The following TTC6 variants were observed in gnomAD, a reference collection of about 807,000 sequenced individuals.
TTC6 encodes tetratricopeptide repeat protein 6.
A neutral mutation model predicts 210.4 loss-of-function variants in TTC6; 172 were observed. The ratio of observed to expected loss-of-function variants is 0.82; its 90% CI spans 0.72 to 0.93. The LOEUF is 0.93. Among genes scored for constraint, TTC6 ranks in the 40% least tolerant of loss-of-function variants. The pLI, the probability that TTC6 is intolerant of heterozygous loss-of-function variation, is 0.00. For synonymous variants in TTC6, 804 were observed against 819.6 expected, an observed-to-expected ratio of 0.98 and a Z score of 0.32; for missense variants, 2,414 against 2,318.1, an observed-to-expected ratio of 1.04 and a Z score of -0.85.
At chr14:37,793,395 G>T (rs2096084997) in intron 17 of TTC6, among the ~76,000 whole-genome samples, 1 of 152,180 alleles carries the variant, frequency 6.6e-6, no homozygotes, top group Non-Finnish European at 1.5e-5. Context: ...CAAAATTACT[G>T]TATTAAAACA....
intron 14 of TTC6, among the ~76,000 whole-genome samples, chr14:37,763,118 G>A (rs970323048): frequency 5.9e-5 from 9 of 151,682 alleles, no homozygotes; most frequent in African/African-American, 9.7e-5. Context: ...TCAATCTCCC[G>A]ACTTCATGAT....
upstream of TTC6, among the ~76,000 whole-genome samples, chr14:37,617,310 A>G (rs2095644385): frequency 6.6e-6 from 1 of 152,182 alleles, no homozygotes. Context: ...ATATGTATGT[A>G]TTTTTGAATG....
At chr14:37,817,532 T>C (rs2096144967) in intron 25 of TTC6, 46 bp from the exon 28 acceptor site, 1 of 1,575,456 alleles carries the variant, frequency 6.3e-7, no homozygotes, top group Admixed American at 1.7e-5. Flanking sequence ...AGATAGCACA[T>C]AAAATAATGT....
At position 37,737,728 on chromosome 14, in the gene TTC6, A is replaced by T. The variant is rs759095531; in HGVS notation, c.1977A>T (p.Gln659His). Residue 659 changes from glutamine (Q) to histidine (H), a missense_variant, in exon 9 of 31, where the codon CAA becomes CAT. Gln to His is a conservative substitution (Grantham distance 24, BLOSUM62 0). Transcript: ENST00000553443. ...AATGGTTTAGTGCACAACCTACACA[A>T]CTAAGGGTATTATAATTTTACAGTT... 2.7e-6 allele frequency: 4 copies of T among 1,496,616 alleles called. No homozygotes were observed. The East Asian group carries it at 7.5e-5, about 28-fold the overall frequency. The allele number at this position is 1,496,616 out of a possible 1,614,324, so 92.7% of individuals were successfully genotyped here.
At chr14:37,758,292 C>CCATTATGTGTGATAAAGACTCCCACA (rs2095973947) in intron 14 of TTC6, among the ~76,000 whole-genome samples, 1 of 152,042 alleles carries the variant, frequency 6.6e-6, no homozygotes, top group South Asian at 2.1e-4. Flanking sequence ...ATAAAGTCTC[C>CCATTATGTGTGATAAAGACTCCCACA]CATTATTATT....
At chr14:37,812,231 G>T in intron 24 of TTC6, 83 bp from the exon 27 acceptor site, 1 of 1,412,578 alleles carries the variant, frequency 7.1e-7, no homozygotes, top group Non-Finnish European at 9.6e-7. Flanking sequence ...TTGGGTCCTA[G>T]TTTGGACATA....
At chr14:37,745,957 C>A (rs1181444550) in intron 10 of TTC6, among the ~76,000 whole-genome samples, 4 of 152,072 alleles carry the variant, frequency 2.6e-5, no homozygotes, top group Non-Finnish European at 4.4e-5. Context: ...AGGTTTGTAC[C>A]AGAAGACCTG....
At chr14:37,727,913 C>T (rs2138858392) in intron 7 of TTC6, among the ~76,000 whole-genome samples, 1 of 152,224 alleles carries the variant, frequency 6.6e-6, no homozygotes, top group Admixed American at 6.5e-5. Flanking sequence ...TTGGGTTGTG[C>T]TAGATATCCC....
At chr14:37,671,927 G>A (rs998279494) in intron 1 of TTC6, among the ~76,000 whole-genome samples, 6 of 152,094 alleles carry the variant, frequency 3.9e-5, no homozygotes, top group African/African-American at 1.4e-4. Flanking sequence ...GAAGGTGCCT[G>A]CTTCACCTTC....
At chr14:37,694,646 T>G (rs1471951709) in intron 3 of TTC6, among the ~76,000 whole-genome samples, 1 of 152,166 alleles carries the variant, frequency 6.6e-6, no homozygotes, top group East Asian at 1.9e-4. Context: ...GCAGCACTGG[T>G]CACACAACAG....
At chr14:37,783,431 G>A (rs979648011) in intron 14 of TTC6, among the ~76,000 whole-genome samples, 1 of 152,064 alleles carries the variant, frequency 6.6e-6, no homozygotes, top group Non-Finnish European at 1.5e-5. Flanking sequence ...GATGTTTATA[G>A]TATTCTCTGA....
intron 1 of TTC6, among the ~76,000 whole-genome samples, chr14:37,651,415 ATATATATATATTTTTTTTTTTTTTTT>A (rs1299658084): frequency 1.4e-3 from 30 of 20,824 alleles, no homozygotes; most frequent in African/African-American, 6.9e-3. Context: ...ATATATATAT[ATATATATATATTTTTTTTTTTTTTTT>A]TTTTTTTTTT....
chr14:37,698,221 C>G (rs184283785), intron 4 of TTC6, among the ~76,000 whole-genome samples: 3 of 152,176 alleles, frequency 2.0e-5, no homozygotes, highest in Admixed American at 6.5e-5. Flanking sequence ...CAATTTTCAA[C>G]CTAAATTTTC....
At chr14:37,819,801 G>A (rs1460323929) in intron 26 of TTC6, among the ~76,000 whole-genome samples, 1 of 152,150 alleles carries the variant, frequency 6.6e-6, no homozygotes, top group Non-Finnish European at 1.5e-5. Flanking sequence ...GGGCACATCT[G>A]GTCACGTATG....
intron 1 of TTC6, among the ~76,000 whole-genome samples, chr14:37,644,854 A>T (rs2095698692): frequency 6.6e-6 from 1 of 152,204 alleles, no homozygotes; most frequent in Non-Finnish European, 1.5e-5. Flanking sequence ...TTAGAGTTAG[A>T]TGACCTAGGT....
chr14:37,801,043 T>C (rs1313195438), intron 20 of TTC6, among the ~76,000 whole-genome samples: 1 of 152,198 alleles, frequency 6.6e-6, no homozygotes, highest in Non-Finnish European at 1.5e-5. Context: ...TTTGCCCAAA[T>C]GTATTTCAGA....
chr14:37,817,923 T>A (rs1445294898), intron 26 of TTC6, among the ~76,000 whole-genome samples: 2 of 152,188 alleles, frequency 1.3e-5, no homozygotes, highest in African/African-American at 4.8e-5. Context: ...AGAGTTCACC[T>A]GATCCAAGCA....
chr14:37,824,317 A>G (rs2139499202), intron 27 of TTC6, among the ~76,000 whole-genome samples: 1 of 152,312 alleles, frequency 6.6e-6, no homozygotes, highest in Non-Finnish European at 1.5e-5. Flanking sequence ...TAGCTTATAT[A>G]CCTAGGCCCC....
intron 14 of TTC6, among the ~76,000 whole-genome samples, chr14:37,778,924 G>A (rs1426816476): frequency 6.6e-6 from 1 of 152,182 alleles, no homozygotes; most frequent in Non-Finnish European, 1.5e-5. Flanking sequence ...TCCAAGGGGA[G>A]CATGGCAGAC....
Sources: gnomAD v4.1 joint callset for allele counts (sites outside exome capture counted in the v4.1 genomes callset) on GRCh38, gnomAD v4.1.1 for gene constraint, MANE v1.5 for transcripts, NCBI Gene and HGNC (gene_info 2026-07-23, HGNC 2026-07-21) for gene names.